The following BAZ2B variants were observed in gnomAD, a reference collection of about 807,000 sequenced individuals.
BAZ2B encodes bromodomain adjacent to zinc finger domain 2B.
In BAZ2B, 91 loss-of-function variants were observed where a neutral mutation model predicts 246.0. The observed-to-expected ratio is 0.37, with a 90% CI of 0.31 to 0.44. BAZ2B has a LOEUF of 0.44. Ranked by LOEUF, BAZ2B falls within the 20% of genes least tolerant of loss-of-function variation. The pLI is 1.00. For missense variants in BAZ2B, 2,332 were observed against 2,533.7 expected (o/e 0.92, Z 1.71); for synonymous variants, 855 against 860.0 (o/e 0.99, Z 0.10).
downstream of BAZ2B, among the ~76,000 whole-genome samples, chr2:159,318,582 C>G (rs1466580462): frequency 6.6e-6 from 1 of 152,202 alleles, no homozygotes; most frequent in African/African-American, 2.4e-5. Context: ...CGGAGCCCAG[C>G]AGGGCAGCAA....
At chr2:159,422,272 C>A (rs964615545) in intron 13 of BAZ2B, among the ~76,000 whole-genome samples, 1 of 152,072 alleles carries the variant, frequency 6.6e-6, no homozygotes, top group Non-Finnish European at 1.5e-5. Context: ...ACCTAAAGAG[C>A]CTAAATTGCC....
intron 1 of BAZ2B, among the ~76,000 whole-genome samples, chr2:159,597,774 G>C (rs1324042746): frequency 2.0e-5 from 3 of 151,974 alleles, no homozygotes; most frequent in African/African-American, 4.8e-5. Context: ...CCTTCTATGT[G>C]TATGTTTATT....
At chr2:159,527,559 C>A (rs1425355705) in intron 2 of BAZ2B, among the ~76,000 whole-genome samples, 1 of 152,128 alleles carries the variant, frequency 6.6e-6, no homozygotes, top group African/African-American at 2.4e-5. Context: ...CCTATGTTTT[C>A]TTCTAAAAGC....
intron 1 of BAZ2B, among the ~76,000 whole-genome samples, chr2:159,557,220 A>ATTTTTTTT (rs369943226): frequency 8.1e-6 from 1 of 124,128 alleles, no homozygotes. Context: ...TGGCTAATTA[A>ATTTTTTTT]TTTTTTTTTT....
the BAZ2B span, among the ~76,000 whole-genome samples, chr2:159,682,918 C>CCA: frequency 6.0e-3 from 873 of 146,264 alleles, 4 homozygotes; most frequent in African/African-American, 0.011. Flanking sequence ...CTCCCCCCCC[C>CCA]CACACACACC....
intron 1 of BAZ2B, among the ~76,000 whole-genome samples, chr2:159,578,329 T>C (rs1363638540): frequency 1.3e-5 from 2 of 151,876 alleles, no homozygotes; most frequent in Non-Finnish European, 2.9e-5. Context: ...TCACAGTTCA[T>C]AAAAAAAAGA....
intron 1 of BAZ2B, among the ~76,000 whole-genome samples, chr2:159,583,219 A>C (rs1578625835): frequency 6.6e-6 from 1 of 150,552 alleles, no homozygotes; most frequent in Admixed American, 6.7e-5. Flanking sequence ...GGTTCAAGTG[A>C]TTCTTCTGCC....
At chr2:159,680,460 A>G in the BAZ2B span, among the ~76,000 whole-genome samples, 1 of 152,212 alleles carries the variant, frequency 6.6e-6, no homozygotes, top group African/African-American at 2.4e-5. Context: ...TAAAATTTTA[A>G]AGTAGAAAAC....
intron 1 of BAZ2B, among the ~76,000 whole-genome samples, chr2:159,603,051 T>G (rs531483159): frequency 3.2e-4 from 49 of 152,236 alleles, no homozygotes; most frequent in African/African-American, 9.9e-4. Context: ...GCAGGGGAAT[T>G]GCTCGAAACC....
chr2:159,561,235 G>A lies in BAZ2B; in HGVS notation c.-45-5370C>T, dbSNP rs117887539. Among the ~76,000 whole-genome samples the A allele has an allele frequency of 2.2e-4, 33 of 152,262 alleles. No homozygotes were observed. The East Asian group carries it at 5.8e-3, about 27-fold the overall frequency. On this transcript the variant is annotated intron_variant, in intron 1 of 36. Transcript: ENST00000392783. ...GTGCTGTTCTGGTAGTAATGAGTGA[G>A]TTCTTGCTCAAAGACTTGATTGGTT...
At chr2:159,469,847 G>C (rs2077557669) in intron 3 of BAZ2B, among the ~76,000 whole-genome samples, 1 of 152,076 alleles carries the variant, frequency 6.6e-6, no homozygotes, top group Non-Finnish European at 1.5e-5. Context: ...TGTTTCACCA[G>C]TGAATTCTAC....
At chr2:159,609,126 A>T (rs943243360) in intron 1 of BAZ2B, among the ~76,000 whole-genome samples, 3 of 152,200 alleles carry the variant, frequency 2.0e-5, no homozygotes, top group Non-Finnish European at 4.4e-5. Flanking sequence ...AAAGCTTGAG[A>T]CACAAAGGTG....
chr2:159,389,286 T>A (rs941622184), intron 21 of BAZ2B, 59 bp downstream of exon 21: 2 of 1,472,736 alleles, frequency 1.4e-6, no homozygotes, highest in African/African-American at 2.9e-5. Flanking sequence ...AGAAATCAGG[T>A]AAGAAAACTG....
At chr2:159,404,762 T>G in intron 16 of BAZ2B, 87 bp downstream of exon 16, 1 of 1,135,970 alleles carries the variant, frequency 8.8e-7, no homozygotes, top group Admixed American at 2.5e-5. Context: ...ATATAGTTAT[T>G]TAAGAAATCA....
chr2:159,526,775 A>C (rs921806059), intron 2 of BAZ2B, among the ~76,000 whole-genome samples: 5 of 152,166 alleles, frequency 3.3e-5, no homozygotes, highest in African/African-American at 1.2e-4. Flanking sequence ...ATGAAGTTTT[A>C]GGTTTAGTAA....
chr2:159,612,814 A>G (rs1232572900), intron 1 of BAZ2B, among the ~76,000 whole-genome samples: 2 of 152,284 alleles, frequency 1.3e-5, no homozygotes, highest in East Asian at 3.9e-4. Flanking sequence ...TCCCATAAGA[A>G]AAAGCAACAC....
the BAZ2B span, among the ~76,000 whole-genome samples, chr2:159,706,714 C>T: frequency 6.6e-6 from 1 of 152,198 alleles, no homozygotes; most frequent in Non-Finnish European, 1.5e-5. Flanking sequence ...CTAAACTGTT[C>T]TCATTGTAGG....
chr2:159,337,937 A>G (rs1020562318), intron 31 of BAZ2B, among the ~76,000 whole-genome samples, 165 bp from the exon 32 acceptor site: 5 of 152,242 alleles, frequency 3.3e-5, no homozygotes, highest in Non-Finnish European at 5.9e-5. Flanking sequence ...AGAAGAAAAA[A>G]ATTAAAAGAA....
chr2:159,665,605 G>T, the BAZ2B span, among the ~76,000 whole-genome samples: 1 of 125,500 alleles, frequency 8.0e-6, no homozygotes, highest in African/African-American at 3.1e-5. Context: ...ATGGGGAAAG[G>T]ATTCCCTATT....
Sources: gnomAD v4.1 joint callset for allele counts (sites outside exome capture counted in the v4.1 genomes callset) on GRCh38, gnomAD v4.1.1 for gene constraint, MANE v1.5 for transcripts, NCBI Gene and HGNC (gene_info 2026-07-23, HGNC 2026-07-21) for gene names.